The following WWTR1 variants were observed in gnomAD, a reference collection of about 807,000 sequenced individuals.
The protein encoded by WWTR1 is WW domain containing transcription regulator 1, also known as WW domain-containing transcription regulator protein 1.
WWTR1 carries 13 observed loss-of-function variants against 40.1 expected under a neutral mutation model. That is an observed-to-expected ratio of 0.32 (90% CI 0.21 to 0.52). WWTR1 has a LOEUF of 0.52. WWTR1 is among the 20% of genes least tolerant of loss of function. The pLI is 0.97. For missense variants in WWTR1, 436 were observed against 523.1 expected (o/e 0.83, Z 1.63); for synonymous variants, 230 against 210.1 (o/e 1.09, Z -0.82).
intron 5 of WWTR1, among the ~76,000 whole-genome samples, chr3:149,712,582 A>G (rs1387815139): frequency 6.6e-6 from 1 of 152,216 alleles, no homozygotes; most frequent in Non-Finnish European, 1.5e-5. Context: ...AGGAAAAGTA[A>G]GTGCGACCTG....
At chr3:149,680,450 A>C (rs1361381094) in intron 1 of WWTR1, among the ~76,000 whole-genome samples, 1 of 152,168 alleles carries the variant, frequency 6.6e-6, no homozygotes, top group Non-Finnish European at 1.5e-5. Context: ...AGGCTGAGGC[A>C]GAAGAATTGC....
Position 149,517,262 on chromosome 3 carries a change from T to C in WWTR1, c.*3543A>G, listed in dbSNP as rs1330690142. ...GAAGTTCAATTGTCTTTATTTTTCT[T>C]ATACAGATTCAGAGAAGTAAAAACC... On this transcript the variant is annotated 3_prime_UTR_variant, in exon 7 of 7. Coordinates refer to ENST00000360632, the MANE Select transcript of WWTR1 (RefSeq NM_015472.6). 6.6e-6 allele frequency: 1 copy of C among 152,188 alleles called. No individual in the cohort carries two copies. The highest frequency in any genetic ancestry group is 1.5e-5 in the Non-Finnish European group (1 of 68,038). The allele number at this position is 152,188 out of a possible 1,614,324, so 9.4% of individuals were successfully genotyped here.
upstream of WWTR1, among the ~76,000 whole-genome samples, chr3:149,662,130 G>A (rs1178008504): frequency 6.6e-6 from 1 of 151,946 alleles, no homozygotes; most frequent in Non-Finnish European, 1.5e-5. Context: ...AAACTGGATC[G>A]ATGAGTTAGA....
At chr3:149,524,339 T>C (rs888550919) in intron 6 of WWTR1, among the ~76,000 whole-genome samples, 8 of 151,692 alleles carry the variant, frequency 5.3e-5, no homozygotes, top group Admixed American at 1.3e-4. Context: ...TTTTTTTTTT[T>C]TTTTTTGAAT....
At chr3:149,715,350 C>A (rs898623307) in intron 5 of WWTR1, among the ~76,000 whole-genome samples, 1 of 152,224 alleles carries the variant, frequency 6.6e-6, no homozygotes, top group Non-Finnish European at 1.5e-5. Flanking sequence ...AGCTTCTGGG[C>A]GTCACTGCAT....
chr3:149,711,292 T>C (rs1347745752), intron 5 of WWTR1, among the ~76,000 whole-genome samples: 1 of 152,072 alleles, frequency 6.6e-6, no homozygotes, highest in East Asian at 1.9e-4. Flanking sequence ...ATCTTGTCTC[T>C]ACAAAAGTAA....
In WWTR1 at chr3:149,656,917, C is replaced by T; in HGVS notation, c.390G>A (p.Trp130Ter). 6.4e-7 allele frequency: 1 copy of T among 1,554,936 alleles called. No homozygotes were observed. The highest frequency in any genetic ancestry group is 8.6e-7 in the Non-Finnish European group (1 of 1,156,186). ...GGCCAGTGGCCGTGAAGGTCATCTC[C>T]CAGCCCGGGGGCAGTGGCAGCTCGT... ...VTDELPLPPG[W>*]EMTFTATGQR... Residue 130 changes from tryptophan (W) to a stop codon, truncating the protein, a stop_gained, in exon 2 of 7, where the codon TGG (tryptophan) becomes TGA (stop). Coordinates refer to ENST00000360632, the MANE Select transcript of WWTR1 (RefSeq NM_015472.6). LOFTEE classifies it high-confidence loss of function.
chr3:149,580,431 C>G (rs1285435487), intron 2 of WWTR1, among the ~76,000 whole-genome samples: 1 of 152,084 alleles, frequency 6.6e-6, no homozygotes, highest in Non-Finnish European at 1.5e-5. Flanking sequence ...ACAGTGGAAG[C>G]CCATTGCAGT....
At chr3:149,568,691 T>G in intron 3 of WWTR1, among the ~76,000 whole-genome samples, 2 of 152,184 alleles carry the variant, frequency 1.3e-5, no homozygotes. Context: ...GACTAAGTAA[T>G]GGGTCTTTCC....
chr3:149,517,990 T>C lies in WWTR1; in HGVS notation c.*2815A>G, dbSNP rs1734867497. 6.6e-6 allele frequency: 1 copy of C among 152,148 alleles called. No homozygotes were observed. The highest frequency in any genetic ancestry group is 6.5e-5 in the Admixed American group (1 of 15,268). 9.4% of individuals were successfully genotyped at this position (152,148 alleles called of 1,614,324 possible). A position where few individuals can be genotyped will look rare whatever the true frequency, so the allele number is the denominator to read the frequency against. ...GACAGTTATCTTATAATAAGAAATATAGTATAAATAGCACCTTATCAAGAA... is the reference window on the plus strand; with the variant it reads ...GACAGTTATCTTATAATAAGAAATACAGTATAAATAGCACCTTATCAAGAA... On this transcript the variant is annotated 3_prime_UTR_variant, in exon 7 of 7. Transcript: ENST00000360632.
chr3:149,667,010 T>C (rs1243324692), intron 2 of WWTR1, among the ~76,000 whole-genome samples: 3 of 152,208 alleles, frequency 2.0e-5, no homozygotes, highest in Non-Finnish European at 2.9e-5. Flanking sequence ...ATATCGAAGC[T>C]TAGTTGTCTC....
chr3:149,687,169 T>C (rs528737793), intron 1 of WWTR1, among the ~76,000 whole-genome samples: 1 of 152,196 alleles, frequency 6.6e-6, no homozygotes, highest in Non-Finnish European at 1.5e-5. Flanking sequence ...CCTACTGCAA[T>C]TTTAGAGCTT....
Position 149,657,959 on chromosome 3 carries a change from G to A in WWTR1, c.-198C>T, listed in dbSNP as rs1403705624. On this transcript the variant is annotated 5_prime_UTR_variant, in exon 1 of 7. Transcript: ENST00000360632. ...CTCACATCCCCCGAGCTGGCCTAAG[G>A]CGCTAGTGCTGGGCGAAAAGGAGGC... 1 of 153,072 alleles carries A rather than the reference G, an allele frequency of 6.5e-6. No homozygotes were observed. Among genetic ancestry groups the A allele is most frequent in the African/African-American group, 2.4e-5 (1 of 41,492 alleles). The allele number at this position is 153,072 out of a possible 1,614,324, so 9.5% of individuals were successfully genotyped here.
At chr3:149,565,333 C>T (rs1218589255) in intron 3 of WWTR1, among the ~76,000 whole-genome samples, 1 of 150,880 alleles carries the variant, frequency 6.6e-6, no homozygotes, top group East Asian at 1.9e-4. Context: ...AAAATTGTGG[C>T]ATCAGACATT....
At chr3:149,538,798 C>T (rs1488576674) in intron 4 of WWTR1, among the ~76,000 whole-genome samples, 2 of 152,166 alleles carry the variant, frequency 1.3e-5, no homozygotes, top group African/African-American at 4.8e-5. Flanking sequence ...CCCTGTGAAG[C>T]AGGGAATGGT....
upstream of WWTR1, among the ~76,000 whole-genome samples, chr3:149,707,493 A>G (rs941210365): frequency 1.4e-4 from 21 of 152,196 alleles, no homozygotes; most frequent in African/African-American, 5.1e-4. Flanking sequence ...ACAATTCCCC[A>G]AAGTGTAGTC....
At position 149,616,353 on chromosome 3, in the gene WWTR1, T is replaced by C. The variant is rs143463844; in HGVS notation, c.431+40523A>G. 8.4e-4 allele frequency among the ~76,000 whole-genome samples: 128 copies of C among 152,312 alleles called. 1 individual carries two copies. The East Asian group carries it at 0.018, about 21-fold the overall frequency. ...ATTCAGTTCAGGGAACACCCTTCTC[T>C]GTAATCCCATGTAATGAAATCCCCT... is the stretch of plus-strand genomic sequence containing the variant. On this transcript the variant is annotated intron_variant, in intron 2 of 6. Coordinates refer to ENST00000360632, the MANE Select transcript of WWTR1 (RefSeq NM_015472.6).
chr3:149,590,998 G>C (rs1003984901), intron 2 of WWTR1, among the ~76,000 whole-genome samples: 1 of 131,852 alleles, frequency 7.6e-6, no homozygotes, highest in Non-Finnish European at 1.7e-5. Flanking sequence ...GCAAAACTTA[G>C]CTTTTTTTTT....
intron 1 of WWTR1, among the ~76,000 whole-genome samples, chr3:149,675,973 G>A (rs1714245259): frequency 6.6e-6 from 1 of 152,078 alleles, no homozygotes; most frequent in Admixed American, 6.6e-5. Context: ...CCAAAGTGCT[G>A]GGATTACAGG....
Sources: allele counts gnomAD v4.1 joint callset (sites outside exome capture counted in the v4.1 genomes callset), GRCh38; gene constraint gnomAD v4.1.1; transcripts MANE v1.5; gene names NCBI Gene and HGNC (gene_info 2026-07-23, HGNC 2026-07-21).